The following PATJ variants were observed in gnomAD, a reference collection of about 807,000 sequenced individuals.
PATJ encodes the protein PATJ crumbs cell polarity complex component, also known as inaD-like protein.
A neutral mutation model predicts 224.9 loss-of-function variants in PATJ; 190 were observed. The observed-to-expected ratio is 0.84, with a 90% CI of 0.75 to 0.95. PATJ has a LOEUF of 0.95. Among genes scored for constraint, PATJ ranks in the 40% least tolerant of loss-of-function variants. The pLI, the probability that PATJ is intolerant of heterozygous loss-of-function variation, is 0.00. For missense variants in PATJ, 2,121 were observed against 2,270.3 expected, an observed-to-expected ratio of 0.93 and a Z score of 1.34; for synonymous variants, 769 against 820.3, an observed-to-expected ratio of 0.94 and a Z score of 1.07.
At chr1:61,942,483 T>C (rs143880713) in intron 27 of PATJ, among the ~76,000 whole-genome samples, 64 of 151,988 alleles carry the variant, frequency 4.2e-4, no homozygotes, top group African/African-American at 1.4e-3. Context: ...ACAGTACAAC[T>C]GGAATCTTCA....
intron 20 of PATJ, among the ~76,000 whole-genome samples, chr1:61,871,412 T>TATAC (rs1466072923): frequency 8.7e-5 from 9 of 103,114 alleles, no homozygotes; most frequent in South Asian, 3.4e-4. Context: ...TGTATATATA[T>TATAC]ACATATATAT....
Position 61,788,758 on chromosome 1 carries a change from T to C in PATJ, c.1068+786T>C, listed in dbSNP as rs147710346. Among the ~76,000 whole-genome samples the C allele has an allele frequency of 8.0e-3, 1,221 of 152,306 alleles. 8 individuals carry two copies. The highest frequency in any genetic ancestry group is 0.013 in the Non-Finnish European group (872 of 68,028). On this transcript the variant is annotated intron_variant, in intron 8 of 43. Coordinates refer to ENST00000642238, the MANE Select transcript of PATJ (RefSeq NM_001350145.3). ...GGCACTATCTTGGCTCACTGCAACC[T>C]CTGCCTCCCAGATTCAAGCAATTCT...
At chr1:62,110,478 T>C (rs979927922) in intron 34 of PATJ, among the ~76,000 whole-genome samples, 1 of 152,220 alleles carries the variant, frequency 6.6e-6, no homozygotes, top group Admixed American at 6.5e-5. Context: ...TGGCCTTTCA[T>C]GGTTTTAATA....
chr1:61,981,448 A>C (rs1001323689), intron 27 of PATJ, among the ~76,000 whole-genome samples: 1 of 152,040 alleles, frequency 6.6e-6, no homozygotes, highest in East Asian at 1.9e-4. Context: ...TGCAAGGTTC[A>C]TGGCTGAGAC....
At chr1:62,058,424 CTGTATTGCCAAA>C (rs1261979163) in intron 31 of PATJ, among the ~76,000 whole-genome samples, 1 of 152,226 alleles carries the variant, frequency 6.6e-6, no homozygotes, top group East Asian at 1.9e-4. Flanking sequence ...CAAATAACAC[CTGTATTGCCAAA>C]TGGACTGGGA....
intron 27 of PATJ, among the ~76,000 whole-genome samples, chr1:61,962,324 G>A (rs1681434049): frequency 6.6e-6 from 1 of 152,196 alleles, no homozygotes. Flanking sequence ...ATGAATAACA[G>A]GATATTAAAA....
At chr1:61,747,485 A>G (rs1645082749) in intron 1 of PATJ, among the ~76,000 whole-genome samples, 1 of 152,136 alleles carries the variant, frequency 6.6e-6, no homozygotes, top group African/African-American at 2.4e-5. Context: ...CCTTACAGAG[A>G]TTTGGCGAGG....
Position 61,766,154 on chromosome 1 carries a change from C to T in PATJ, c.190-125C>T, listed in dbSNP as rs533674574. On this transcript the variant is annotated intron_variant, in intron 3 of 43. Transcript: ENST00000642238. Reference sequence around the variant, plus strand: ...AATACACAGATTTGATCTATCTTTACCTTATTTCTTTTCCATGTATATATT... The same window carrying T: ...AATACACAGATTTGATCTATCTTTATCTTATTTCTTTTCCATGTATATATT... 9.1e-6 allele frequency: 6 copies of T among 656,550 alleles called. No homozygotes were observed. The African/African-American group carries it at 1.1e-4, about 13-fold the overall frequency. The allele number at this position is 656,550 out of a possible 1,614,324, so 40.7% of individuals were successfully genotyped here. A position where few individuals can be genotyped will look rare whatever the true frequency, so the allele number is the denominator to read the frequency against.
At chr1:61,979,578 G>T (rs1467218727) in intron 27 of PATJ, among the ~76,000 whole-genome samples, 1 of 151,574 alleles carries the variant, frequency 6.6e-6, no homozygotes, top group Non-Finnish European at 1.5e-5. Flanking sequence ...GCTTGAACTC[G>T]GGAGGCGGAG....
chr1:62,114,509 T>C, intron 35 of PATJ: 1 of 321,404 alleles, frequency 3.1e-6, no homozygotes, highest in South Asian at 6.4e-5. Context: ...GTTCTTTCAC[T>C]TGGAATTACT....
Position 61,756,173 on chromosome 1 carries a change from C to T in PATJ, c.-35-6685C>T, listed in dbSNP as rs74842976. Among the ~76,000 whole-genome samples, 1,039 of 152,276 alleles carry T rather than the reference C, an allele frequency of 6.8e-3. 14 individuals carry two copies. Among genetic ancestry groups the T allele is most frequent in the African/African-American group, 0.024 (990 of 41,548 alleles). On this transcript the variant is annotated intron_variant, in intron 1 of 43. Transcript: ENST00000642238. ...GTTTCTAAATGTTCATTCCCAATTT[C>T]GATACTTGTGCCTTTATGGGCCAAG...
At chr1:61,761,060 C>A (rs1570315563) in intron 1 of PATJ, among the ~76,000 whole-genome samples, 1 of 152,086 alleles carries the variant, frequency 6.6e-6, no homozygotes, top group Non-Finnish European at 1.5e-5. Flanking sequence ...CTCACTGTAA[C>A]CTCAACCTCC....
At chr1:62,121,966 A>T (rs530820945) in intron 38 of PATJ, among the ~76,000 whole-genome samples, 11 of 152,206 alleles carry the variant, frequency 7.2e-5, no homozygotes, top group African/African-American at 2.6e-4. Flanking sequence ...AGAAAAAAAA[A>T]AGTGTGTATA....
intron 14 of PATJ, among the ~76,000 whole-genome samples, chr1:61,812,354 TAGAGAGAGAGAGAG>T (rs71050165): frequency 0.02 from 2,179 of 111,656 alleles, 87 homozygotes; most frequent in East Asian, 0.11. Flanking sequence ...GGGGAGGGAA[TAGAGAGAGAGAGAG>T]AGAGAGAGAG....
At chr1:61,945,782 C>G (rs1442261317) in intron 27 of PATJ, among the ~76,000 whole-genome samples, 1 of 152,202 alleles carries the variant, frequency 6.6e-6, no homozygotes, top group Non-Finnish European at 1.5e-5. Flanking sequence ...AGCACCACAT[C>G]GCACTTATTC....
At chr1:61,969,157 T>C (rs1682591069) in intron 27 of PATJ, among the ~76,000 whole-genome samples, 1 of 152,240 alleles carries the variant, frequency 6.6e-6, no homozygotes, top group Non-Finnish European at 1.5e-5. Flanking sequence ...TGCTTCCACC[T>C]CTTGACTATT....
chr1:61,766,281 C>G lies in PATJ; in HGVS notation c.192C>G (p.Leu64=). The G allele has an allele frequency of 1.3e-6, 2 of 1,575,620 alleles. No individual in the cohort carries two copies. The change falls in exon 4 of 44, where the codon CTC becomes CTG. Residue 64 remains leucine, a splice_region_variant and synonymous_variant. Coordinates refer to ENST00000642238, the MANE Select transcript of PATJ (RefSeq NM_001350145.3). The part of the protein sequence containing the change: ...QQSIKQLKGQ[L]NHIPSDCSAN... ...TTCTTTTTTTTTCTCTCCAACAGCT[C>G]AACCATATACCCTCAGATTGTTCAG... is the stretch of plus-strand genomic sequence containing the variant.
chr1:61,743,266 C>G (rs1430914069), intron 1 of PATJ, among the ~76,000 whole-genome samples: 5 of 152,200 alleles, frequency 3.3e-5, no homozygotes, highest in Non-Finnish European at 7.3e-5. Context: ...GCTTTTAAAT[C>G]AAGCTCAGGA....
intron 27 of PATJ, among the ~76,000 whole-genome samples, chr1:61,956,745 G>A (rs976576215): frequency 2.6e-5 from 4 of 152,346 alleles, no homozygotes; most frequent in South Asian, 2.1e-4. Context: ...CTGTGCTACT[G>A]TGTAAAATTA....
Sources: allele counts gnomAD v4.1 joint callset (sites outside exome capture counted in the v4.1 genomes callset), GRCh38; gene constraint gnomAD v4.1.1; transcripts MANE v1.5; gene names NCBI Gene and HGNC (gene_info 2026-07-23, HGNC 2026-07-21).